The following LRRFIP2 variants were observed in gnomAD, a reference collection of about 807,000 sequenced individuals.
LRRFIP2 encodes leucine-rich repeat flightless-interacting protein 2.
In LRRFIP2, 109 loss-of-function variants were observed where a neutral mutation model predicts 125.9. That is an observed-to-expected ratio of 0.87 (90% CI 0.74 to 1.01). The LOEUF is 1.01. Among genes scored for constraint, LRRFIP2 ranks in the 50% least tolerant of loss-of-function variants. LRRFIP2 has a pLI of 0.00. For synonymous variants in LRRFIP2, 291 were observed against 293.1 expected, an observed-to-expected ratio of 0.99 and a Z score of 0.07; for missense variants, 850 against 862.3, an observed-to-expected ratio of 0.99 and a Z score of 0.18.
At chr3:37,158,071 CTA>C (rs746176332) in intron 1 of LRRFIP2, among the ~76,000 whole-genome samples, 7 of 152,132 alleles carry the variant, frequency 4.6e-5, no homozygotes, top group Non-Finnish European at 1.0e-4. Flanking sequence ...CATTAATGGG[CTA>C]TATGTTGGAC....
intron 24 of LRRFIP2, among the ~76,000 whole-genome samples, chr3:37,059,679 C>A (rs1020655437): frequency 2.0e-5 from 3 of 151,772 alleles, no homozygotes; most frequent in Non-Finnish European, 2.9e-5. Flanking sequence ...CCCAACTACT[C>A]CAGAGGCTGA....
chr3:37,168,195 A>G (rs1219628772), intron 1 of LRRFIP2, among the ~76,000 whole-genome samples: 3 of 152,234 alleles, frequency 2.0e-5, no homozygotes, highest in Non-Finnish European at 2.9e-5. Context: ...GTACATACAC[A>G]AAAGAATTGA....
intron 6 of LRRFIP2, among the ~76,000 whole-genome samples, chr3:37,116,943 T>TA (rs1307513917): frequency 6.6e-6 from 1 of 152,016 alleles, no homozygotes; most frequent in South Asian, 2.1e-4. Context: ...GAAAACACAA[T>TA]AAAAAATATT....
At chr3:37,116,657 A>C (rs969384130) in intron 6 of LRRFIP2, among the ~76,000 whole-genome samples, 3 of 152,176 alleles carry the variant, frequency 2.0e-5, no homozygotes, top group African/African-American at 7.2e-5. Flanking sequence ...AAAGCTTAAA[A>C]TATATTAGAA....
intron 19 of LRRFIP2, among the ~76,000 whole-genome samples, chr3:37,076,404 G>A (rs538067431): frequency 9.9e-5 from 15 of 152,094 alleles, no homozygotes; most frequent in Non-Finnish European, 4.4e-5. Context: ...GCGTGTGCCT[G>A]TAGTCCCAGG....
At chr3:37,063,541 C>T (rs1372025511) in intron 24 of LRRFIP2, among the ~76,000 whole-genome samples, 1 of 152,108 alleles carries the variant, frequency 6.6e-6, no homozygotes, top group Non-Finnish European at 1.5e-5. Context: ...TATATGACTC[C>T]TTAAACTATG....
intron 4 of LRRFIP2, among the ~76,000 whole-genome samples, chr3:37,127,411 G>C: frequency 6.6e-6 from 1 of 152,064 alleles, no homozygotes; most frequent in East Asian, 1.9e-4. Context: ...TCTTGATCAG[G>C]AGCATTCATG....
intron 6 of LRRFIP2, among the ~76,000 whole-genome samples, chr3:37,119,658 A>G (rs1392259558): frequency 6.6e-6 from 1 of 152,128 alleles, no homozygotes; most frequent in African/African-American, 2.4e-5. Context: ...TTTACAAAAT[A>G]TTTATTTTAA....
intron 1 of LRRFIP2, among the ~76,000 whole-genome samples, chr3:37,155,725 C>A (rs2096168367): frequency 6.6e-6 from 1 of 152,154 alleles, no homozygotes; most frequent in Non-Finnish European, 1.5e-5. Flanking sequence ...TAAACTCTAG[C>A]CAATCATGTG....
intron 2 of LRRFIP2, among the ~76,000 whole-genome samples, chr3:37,148,462 A>G (rs968985618): frequency 3.9e-5 from 6 of 152,230 alleles, no homozygotes; most frequent in Non-Finnish European, 7.3e-5. Context: ...ACGAACTGCT[A>G]TAACTCTAAG....
Position 37,083,487 on chromosome 3 carries a change from G to A in LRRFIP2, c.1278+149C>T, listed in dbSNP as rs1295177688. 2.1e-5 allele frequency: 10 copies of A among 482,006 alleles called. No individual in the cohort carries two copies. In the South Asian group the frequency reaches 2.5e-4, roughly 12 times the overall value. 29.9% of individuals were successfully genotyped at this position (482,006 alleles called of 1,614,324 possible). A position where few individuals can be genotyped will look rare whatever the true frequency, so the allele number is the denominator to read the frequency against. The stretch of plus-strand genomic sequence containing the variant: ...ATAAAAAAAGAGTCATCCAGGGCCT[G>A]ATATCTCATGGTGTTCTGTCAATTT... On this transcript the variant is annotated intron_variant, in intron 19 of 27. Coordinates refer to ENST00000336686, the MANE Select transcript of LRRFIP2 (RefSeq NM_006309.4).
chr3:37,150,357 G>GGA (rs2095988187), intron 1 of LRRFIP2, among the ~76,000 whole-genome samples: 1 of 152,172 alleles, frequency 6.6e-6, no homozygotes, highest in Non-Finnish European at 1.5e-5. Context: ...AGCTACTTGG[G>GGA]AGGCTGGGGC....
intron 20 of LRRFIP2, among the ~76,000 whole-genome samples, chr3:37,074,599 T>A (rs1452131348): frequency 2.0e-5 from 3 of 152,216 alleles, no homozygotes; most frequent in Admixed American, 6.5e-5. Context: ...TACCTTTTTG[T>A]ACAGAACGTA....
chr3:37,166,339 C>CATAAA lies in LRRFIP2; in HGVS notation c.-56+8195_-56+8199dup, dbSNP rs555012150. On this transcript the variant is annotated intron_variant, in intron 1 of 27. Transcript: ENST00000336686. ...AAGACTCCATCTTAAAATAACATAACATAAAATAAAATAAAATAAAATAAA... is the reference window on the plus strand; with the variant it reads ...AAGACTCCATCTTAAAATAACATAACATAAAATAAAATAAAATAAAATAAAATAAA... Among the ~76,000 whole-genome samples the CATAAA allele has an allele frequency of 1.2e-3, 182 of 149,674 alleles. 1 individual carries two copies. The Middle Eastern group carries it at 0.02, about 17-fold the overall frequency.
At chr3:37,161,170 C>G (rs1232833424) in intron 1 of LRRFIP2, among the ~76,000 whole-genome samples, 26 of 141,556 alleles carry the variant, frequency 1.8e-4, no homozygotes, top group African/African-American at 5.1e-4. Flanking sequence ...ATGGTGAAAC[C>G]CCATCTACTA....
At chr3:37,147,332 T>C (rs2095881063) in intron 2 of LRRFIP2, among the ~76,000 whole-genome samples, 1 of 152,166 alleles carries the variant, frequency 6.6e-6, no homozygotes, top group African/African-American at 2.4e-5. Flanking sequence ...AGAAATACCA[T>C]TTGACCCAGC....
rs375375365 is a variant in LRRFIP2, at chr3:37,110,399, G to A, written c.513+592C>T. On this transcript the variant is annotated intron_variant, in intron 9 of 27. Coordinates refer to ENST00000336686, the MANE Select transcript of LRRFIP2 (RefSeq NM_006309.4). ...TGAAAAATAAGAGTACTTAAGTTGCGTGTGCAGGTTTTTTAAACAAAATTA... is the reference window on the plus strand; with the variant it reads ...TGAAAAATAAGAGTACTTAAGTTGCATGTGCAGGTTTTTTAAACAAAATTA... 7.8e-4 allele frequency among the ~76,000 whole-genome samples: 118 copies of A among 152,242 alleles called. 2 individuals are homozygous for A. The highest frequency in any genetic ancestry group is 2.5e-3 in the African/African-American group (105 of 41,550).
chr3:37,093,804 C>T (rs1576449081), intron 17 of LRRFIP2, among the ~76,000 whole-genome samples: 1 of 152,268 alleles, frequency 6.6e-6, no homozygotes, highest in East Asian at 1.9e-4. Context: ...TTACACGCTA[C>T]TATTCTTCAC....
chr3:37,095,019 G>T (rs1402732124), intron 16 of LRRFIP2, 111 bp from the exon 17 acceptor site: 14 of 722,394 alleles, frequency 1.9e-5, no homozygotes, highest in Non-Finnish European at 3.5e-5. Flanking sequence ...TTCAGATGAA[G>T]AAGTTACCAT....
Sources: gnomAD v4.1 joint callset for allele counts (sites outside exome capture counted in the v4.1 genomes callset) on GRCh38, gnomAD v4.1.1 for gene constraint, MANE v1.5 for transcripts, NCBI Gene and HGNC (gene_info 2026-07-23, HGNC 2026-07-21) for gene names.